ATP9B: variants seen among roughly 807,000 people sequenced by gnomAD.
ATP9B encodes the protein probable phospholipid-transporting ATPase IIB.
A neutral mutation model predicts 146.1 loss-of-function variants in ATP9B; 110 were observed. The ratio of observed to expected loss-of-function variants is 0.75; its 90% CI spans 0.65 to 0.88. ATP9B has a LOEUF of 0.88. Ranked by LOEUF, ATP9B falls within the 40% of genes least tolerant of loss-of-function variation. The pLI is 0.00. For synonymous variants in ATP9B, 604 were observed against 569.7 expected (o/e 1.06, Z -0.86); for missense variants, 1,499 against 1,496.4 (o/e 1.00, Z -0.03).
Position 79,329,435 on chromosome 18 carries a change from T to G in ATP9B, c.1935+133T>G, listed in dbSNP as rs561682640. The G allele has an allele frequency of 1.6e-5, 17 of 1,088,470 alleles. No homozygotes were observed. In the Admixed American group the frequency reaches 3.6e-4, roughly 23 times the overall value. The allele number at this position is 1,088,470 out of a possible 1,614,324, so 67.4% of individuals were successfully genotyped here. ...ATGCTGTTACAGTTTTGTTTGTTTT[T>G]TTTTTTTAATGAAATCTAAGCTAAT... On this transcript the variant is annotated intron_variant, in intron 16 of 29. Coordinates refer to ENST00000426216, the MANE Select transcript of ATP9B (RefSeq NM_198531.5).
At chr18:79,332,415 C>T (rs552734071) in intron 17 of ATP9B, among the ~76,000 whole-genome samples, 17 of 152,152 alleles carry the variant, frequency 1.1e-4, no homozygotes, top group African/African-American at 2.4e-4. Context: ...GGCGACAGAG[C>T]GAGACTCCGT....
chr18:79,155,547 A>T (rs1490738479), intron 7 of ATP9B, among the ~76,000 whole-genome samples: 1 of 152,112 alleles, frequency 6.6e-6, no homozygotes, highest in Admixed American at 6.5e-5. Flanking sequence ...TACATTCCTG[A>T]CGTTATTTAT....
chr18:79,197,859 A>G (rs748046072), intron 9 of ATP9B, among the ~76,000 whole-genome samples: 9 of 152,254 alleles, frequency 5.9e-5, no homozygotes, highest in Non-Finnish European at 1.0e-4. Context: ...CCCCGAATTC[A>G]TAGAACTAAT....
chr18:79,168,190 C>T (rs187149543), intron 7 of ATP9B, among the ~76,000 whole-genome samples: 74 of 152,262 alleles, frequency 4.9e-4, no homozygotes, highest in Middle Eastern at 3.4e-3. Context: ...GAGCAACCTC[C>T]GGAAAGCCAA....
intron 17 of ATP9B, among the ~76,000 whole-genome samples, chr18:79,330,420 CTT>C (rs749986034): frequency 1.1e-4 from 15 of 142,854 alleles, no homozygotes; most frequent in Non-Finnish European, 1.4e-4. Flanking sequence ...ATAGTTTACC[CTT>C]TTTTTTTTTT....
chr18:79,110,623 C>G (rs1015567732), intron 3 of ATP9B, 118 bp downstream of exon 3: 48 of 967,676 alleles, frequency 5.0e-5, no homozygotes, highest in Non-Finnish European at 5.6e-5. Context: ...ACATCCAAAT[C>G]AGTGTCCTTT....
chr18:79,271,245 A>T (rs1482873758), intron 12 of ATP9B, among the ~76,000 whole-genome samples: 2 of 151,458 alleles, frequency 1.3e-5, no homozygotes, highest in African/African-American at 4.9e-5. Flanking sequence ...CTTTATTATT[A>T]TTATTATTAT....
At chr18:79,147,793 C>A (rs911584849) in intron 6 of ATP9B, among the ~76,000 whole-genome samples, 1 of 151,614 alleles carries the variant, frequency 6.6e-6, no homozygotes, top group Non-Finnish European at 1.5e-5. Flanking sequence ...TAAACCAAGG[C>A]AAGCAGAAGG....
intron 7 of ATP9B, among the ~76,000 whole-genome samples, chr18:79,171,440 AT>A (rs1432182893): frequency 6.6e-6 from 1 of 152,216 alleles, no homozygotes; most frequent in Non-Finnish European, 1.5e-5. Context: ...TTAATTTGCT[AT>A]TTAAAACTTA....
Position 79,378,218 on chromosome 18 carries a change from C to T in ATP9B, c.*835C>T, listed in dbSNP as rs2097111207. On this transcript the variant is annotated 3_prime_UTR_variant, in exon 30 of 30. Transcript: ENST00000426216. ...CACAGCCTGCCCTTTGCTGAAGATA[C>T]CCTCGCTTTATACTTGCATTTCGCT... 6.6e-6 allele frequency: 1 copy of T among 152,266 alleles called. No individual in the cohort carries two copies. Among genetic ancestry groups the T allele is most frequent in the Non-Finnish European group, 1.5e-5 (1 of 68,066 alleles). The allele number at this position is 152,266 out of a possible 1,614,324, so 9.4% of individuals were successfully genotyped here.
At chr18:79,335,705 C>T (rs986857723) in intron 17 of ATP9B, among the ~76,000 whole-genome samples, 5 of 152,194 alleles carry the variant, frequency 3.3e-5, no homozygotes, top group African/African-American at 4.8e-5. Context: ...TCACTAACTG[C>T]GCTTACTGCT....
intron 1 of ATP9B, among the ~76,000 whole-genome samples, chr18:79,070,125 AT>A (rs1231497479): frequency 1.2e-4 from 19 of 152,222 alleles, no homozygotes; most frequent in African/African-American, 3.1e-4. Context: ...TAGCAGTAGA[AT>A]TAGTGTACAG....
intron 11 of ATP9B, among the ~76,000 whole-genome samples, chr18:79,228,115 A>G (rs191694497): frequency 6.6e-6 from 1 of 152,350 alleles, no homozygotes; most frequent in Non-Finnish European, 1.5e-5. Context: ...TCTTTAGCCC[A>G]AAAAATAGCC....
intron 20 of ATP9B, 90 bp downstream of exon 20, chr18:79,342,456 ATCAC>A: frequency 1.2e-6 from 1 of 807,892 alleles, no homozygotes; most frequent in Non-Finnish European, 1.9e-6. Context: ...ATATTTATTA[ATCAC>A]TAAATATCTT....
Position 79,073,004 on chromosome 18 carries a change from G to A in ATP9B, c.119+3475G>A, listed in dbSNP as rs561637336. Among the ~76,000 whole-genome samples, 281 of 152,090 alleles carry A rather than the reference G, an allele frequency of 1.8e-3. 1 individual carries two copies. Among genetic ancestry groups the A allele is most frequent in the Non-Finnish European group, 2.4e-3 (160 of 67,962 alleles). ...ACTTCCTAGACGGGATGACGGCCAG[G>A]AAGAGGCGCTCCTCACTTCCCAGAC... On this transcript the variant is annotated intron_variant, in intron 1 of 29. Transcript: ENST00000426216.
chr18:79,313,273 C>G lies in ATP9B; in HGVS notation c.1773+6039C>G, dbSNP rs990608532. On this transcript the variant is annotated intron_variant, in intron 15 of 29. Coordinates refer to ENST00000426216, the MANE Select transcript of ATP9B (RefSeq NM_198531.5). ...AAGCAAATATGGGCATTTAGACTGA[C>G]AAGACGATGAGTTGAGACTTGTAAG... is the stretch of plus-strand genomic sequence containing the variant. Among the ~76,000 whole-genome samples the G allele has an allele frequency of 2.0e-5, 3 of 152,186 alleles. No homozygotes were observed. In the East Asian group the frequency reaches 5.8e-4, roughly 29 times the overall value.
At chr18:79,228,681 A>G (rs1654900364) in intron 11 of ATP9B, among the ~76,000 whole-genome samples, 1 of 152,174 alleles carries the variant, frequency 6.6e-6, no homozygotes, top group Non-Finnish European at 1.5e-5. Flanking sequence ...CAGAGATACT[A>G]TTTTTGGTTT....
intron 7 of ATP9B, chr18:79,173,841 C>T (rs762049384): frequency 2.0e-5 from 9 of 442,642 alleles, no homozygotes; most frequent in Admixed American, 2.0e-4. Flanking sequence ...ACAACTTTAC[C>T]TTTCTATACA....
chr18:79,126,738 A>G (rs1227291543), intron 5 of ATP9B, among the ~76,000 whole-genome samples: 2 of 152,204 alleles, frequency 1.3e-5, no homozygotes, highest in South Asian at 2.1e-4. Context: ...ACACACTCAT[A>G]AAGGTCAAAT....
Sources: allele counts gnomAD v4.1 joint callset (sites outside exome capture counted in the v4.1 genomes callset), GRCh38; gene constraint gnomAD v4.1.1; transcripts MANE v1.5; gene names NCBI Gene and HGNC (gene_info 2026-07-23, HGNC 2026-07-21).